The following HMCN1 variants were observed in gnomAD, a reference collection of about 807,000 sequenced individuals.
HMCN1 encodes the protein hemicentin 1, also known as hemicentin-1.
A neutral mutation model predicts 625.9 loss-of-function variants in HMCN1; 321 were observed. That is an observed-to-expected ratio of 0.51 (90% CI 0.47 to 0.56). HMCN1 has a LOEUF of 0.56. Among genes scored for constraint, HMCN1 ranks in the 20% least tolerant of loss-of-function variants. The probability of loss-of-function intolerance (pLI) is 0.00; values close to 1 mark genes in which losing one functional copy is unlikely to be tolerated. For synonymous variants in HMCN1, 2,425 were observed against 2,417.6 expected (o/e 1.00, Z -0.09); for missense variants, 6,588 against 6,887.3 (o/e 0.96, Z 1.54).
intron 2 of HMCN1, among the ~76,000 whole-genome samples, chr1:185,848,946 T>G (rs1355807767): frequency 6.6e-6 from 1 of 152,182 alleles, no homozygotes; most frequent in South Asian, 2.1e-4. Context: ...TTTTCTTGCA[T>G]TTATTCTTGC....
chr1:185,860,796 C>G (rs1365277506), intron 2 of HMCN1, among the ~76,000 whole-genome samples: 1 of 152,076 alleles, frequency 6.6e-6, no homozygotes, highest in Admixed American at 6.6e-5. Flanking sequence ...CAAACTCTTT[C>G]CTTTGATTAT....
rs1407385791 is a variant in HMCN1, at chr1:185,890,411, A to C, written c.622-18926A>C. Among the ~76,000 whole-genome samples, 5 of 146,230 alleles carry C rather than the reference A, an allele frequency of 3.4e-5. 1 individual carries two copies. The highest frequency in any genetic ancestry group is 5.5e-5 in the African/African-American group (2 of 36,208). Reference sequence around the variant, plus strand: ...CTTTTAGTTGTGATGTTAGGGTGTCAATTTTGGATCTTTCCTGCTTTCTCT... The same window carrying C: ...CTTTTAGTTGTGATGTTAGGGTGTCCATTTTGGATCTTTCCTGCTTTCTCT... On this transcript the variant is annotated intron_variant, in intron 4 of 106. Coordinates refer to ENST00000271588, the MANE Select transcript of HMCN1 (RefSeq NM_031935.3).
chr1:185,787,930 A>G (rs936858063), intron 1 of HMCN1, among the ~76,000 whole-genome samples: 11 of 152,234 alleles, frequency 7.2e-5, no homozygotes, highest in Non-Finnish European at 1.5e-4. Flanking sequence ...CCAGTTGCTT[A>G]GATTCAGAAT....
chr1:186,110,202 C>G (rs1458914129), intron 71 of HMCN1, among the ~76,000 whole-genome samples: 1 of 152,086 alleles, frequency 6.6e-6, no homozygotes, highest in African/African-American at 2.4e-5. Context: ...AAAAAGCGGC[C>G]TTTGATGTAA....
At chr1:186,038,795 T>C (rs770229580) in intron 37 of HMCN1, 34 bp from the exon 38 acceptor site, 1 of 1,402,746 alleles carries the variant, frequency 7.1e-7, no homozygotes, top group Non-Finnish European at 1.0e-6. Context: ...TAAAAAATTT[T>C]TACATAGATC....
At chr1:185,871,358 C>T (rs1286318257) in intron 4 of HMCN1, among the ~76,000 whole-genome samples, 2 of 152,068 alleles carry the variant, frequency 1.3e-5, no homozygotes, top group South Asian at 2.1e-4. Context: ...TTAAGACTAA[C>T]GCTCTGGGAC....
chr1:185,840,409 G>A (rs569056536), intron 1 of HMCN1, among the ~76,000 whole-genome samples: 66 of 152,282 alleles, frequency 4.3e-4, no homozygotes, highest in Non-Finnish European at 7.5e-4. Context: ...TTTAGAAAGT[G>A]GGAGGGACAT....
At chr1:186,035,782 A>C (rs980980986) in intron 36 of HMCN1, among the ~76,000 whole-genome samples, 2 of 152,096 alleles carry the variant, frequency 1.3e-5, no homozygotes, top group Non-Finnish European at 2.9e-5. Context: ...CTAATATCTC[A>C]TTTTGAAAAC....
intron 1 of HMCN1, among the ~76,000 whole-genome samples, chr1:185,826,114 T>C (rs1660495538): frequency 6.7e-6 from 1 of 149,814 alleles, no homozygotes; most frequent in South Asian, 2.1e-4. Flanking sequence ...AAAGTAGTTT[T>C]ATGTGTTTTA....
rs754515338 is a variant in HMCN1 at position 186,113,974 on chromosome 1, T to C, written c.11132-5T>C. The C allele has an allele frequency of 2.5e-6, 4 of 1,614,120 alleles. No individual in the cohort carries two copies. In the East Asian group the frequency reaches 8.9e-5, roughly 36 times the overall value. Reference sequence around the variant, plus strand: ...TGAATTTTTTCATGTGTATCTCTTGTTCAGTTCCTCCAAACATAAAGGGGG... The same window carrying C: ...TGAATTTTTTCATGTGTATCTCTTGCTCAGTTCCTCCAAACATAAAGGGGG... On this transcript the variant is annotated splice_polypyrimidine_tract_variant and splice_region_variant and intron_variant, in intron 72 of 106. Coordinates refer to ENST00000271588, the MANE Select transcript of HMCN1 (RefSeq NM_031935.3).
At chr1:186,142,226 G>A (rs1650014952) in intron 89 of HMCN1, among the ~76,000 whole-genome samples, 1 of 152,022 alleles carries the variant, frequency 6.6e-6, no homozygotes, top group Admixed American at 6.6e-5. Context: ...TCATTATTTA[G>A]CTCCCATTTA....
At position 185,778,528 on chromosome 1, in the gene HMCN1, G is replaced by A. The variant is rs376061098; in HGVS notation, c.268+43481G>A. Among the ~76,000 whole-genome samples, 24 of 138,594 alleles carry A rather than the reference G, an allele frequency of 1.7e-4. No homozygotes were observed. In the East Asian group the frequency reaches 4.5e-3, roughly 26 times the overall value. The allele number at this position is 138,594 out of a possible 152,430, so 90.9% of individuals were successfully genotyped here. ...ACCCCACAACAGTCCCCAGTGTGTG[G>A]TGTTCCCCTTTCTGTGTCCAAGTGT... is the stretch of plus-strand genomic sequence containing the variant. On this transcript the variant is annotated intron_variant, in intron 1 of 106. Coordinates refer to ENST00000271588, the MANE Select transcript of HMCN1 (RefSeq NM_031935.3).
chr1:186,048,662 G>A (rs1403833043), intron 41 of HMCN1, 81 bp from the exon 42 acceptor site: 3 of 847,912 alleles, frequency 3.5e-6, no homozygotes, highest in South Asian at 1.4e-5. Context: ...ATAAAAATAA[G>A]AAATAGATCA....
intron 71 of HMCN1, among the ~76,000 whole-genome samples, chr1:186,110,977 C>CTGTTTTTTTTTTTTTTTTTT (rs1660847660): frequency 1.6e-5 from 1 of 61,648 alleles, no homozygotes; most frequent in Non-Finnish European, 2.7e-5. Flanking sequence ...AGAGAAAATT[C>CTGTTTTTTTTTTTTTTTTTT]TTTTTTTTTT....
At chr1:185,911,117 T>C (rs1666396186) in intron 5 of HMCN1, among the ~76,000 whole-genome samples, 1 of 152,196 alleles carries the variant, frequency 6.6e-6, no homozygotes, top group African/African-American at 2.4e-5. Context: ...GTTAAGGTTT[T>C]ACACTTTGTG....
Position 186,015,284 on chromosome 1 carries a change from C to A in HMCN1, c.4756C>A (p.Gln1586Lys). 1 of 1,613,748 alleles carries A rather than the reference C, an allele frequency of 6.2e-7. No individual in the cohort carries two copies. Among genetic ancestry groups the A allele is most frequent in the Non-Finnish European group, 8.5e-7 (1 of 1,179,778 alleles). Residue 1586 changes from glutamine to lysine, a missense_variant, in exon 31 of 107, where the codon CAG (glutamine) becomes AAG (lysine). Transcript: ENST00000271588. Reference protein sequence around the residue: ...MPAITWYKDGQPIMSSSQALY... With the variant: ...MPAITWYKDGKPIMSSSQALY... ...TGCCATTACTTGGTATAAGGACGGG[C>A]AGCCAATCATGTCCAGCTCACAAGC...
chr1:185,944,726 A>G (rs1421854239), intron 11 of HMCN1, among the ~76,000 whole-genome samples: 1 of 152,228 alleles, frequency 6.6e-6, no homozygotes, highest in Non-Finnish European at 1.5e-5. Context: ...CAGACAAAAT[A>G]TAAGATGACT....
intron 4 of HMCN1, among the ~76,000 whole-genome samples, chr1:185,898,803 A>T (rs1246953217): frequency 6.6e-6 from 1 of 152,096 alleles, no homozygotes; most frequent in Non-Finnish European, 1.5e-5. Flanking sequence ...TCAACAGTTA[A>T]GTCTAAAAAT....
At position 186,112,949 on chromosome 1, in the gene HMCN1, A is replaced by G. The variant is rs1660959651; in HGVS notation, c.11127A>G (p.Val3709=). The change falls in exon 72 of 107, where the codon GTA becomes GTG. Residue 3709 remains valine, a synonymous_variant. Transcript: ENST00000271588. ...CTACAAGAGAATTTATTCTCACTGT[A>G]AATGGTAAGAAAAGGTATTCATTGT... ...GKTTREFILT[V]NVPPNIKGGP... The G allele has an allele frequency of 4.3e-6, 7 of 1,613,866 alleles. No individual in the cohort carries two copies. The highest frequency in any genetic ancestry group is 3.4e-6 in the Non-Finnish European group (4 of 1,179,974).
Sources: allele counts gnomAD v4.1 joint callset (sites outside exome capture counted in the v4.1 genomes callset), GRCh38; gene constraint gnomAD v4.1.1; transcripts MANE v1.5; gene names NCBI Gene and HGNC (gene_info 2026-07-23, HGNC 2026-07-21).